Variants in PIAS1 observed in about 807,000 individuals in gnomAD.
PIAS1 encodes E3 SUMO-protein ligase PIAS1.
In PIAS1, 6 loss-of-function variants were observed where a neutral mutation model predicts 71.3. The observed-to-expected ratio is 0.08, with a 90% CI of 0.05 to 0.17. The LOEUF (loss-of-function observed/expected upper bound fraction) is 0.17, where lower values mean the gene tolerates loss of function less well. Among genes scored for constraint, PIAS1 ranks in the 10% least tolerant of loss-of-function variants. The pLI, the probability that PIAS1 is intolerant of heterozygous loss-of-function variation, is 1.00. For missense variants in PIAS1, 555 were observed against 793.6 expected, an observed-to-expected ratio of 0.70 and a Z score of 3.61; for synonymous variants, 303 against 292.9, an observed-to-expected ratio of 1.03 and a Z score of -0.35.
rs759866103 is a variant in PIAS1 at position 68,171,975 on chromosome 15, G to A, written c.1009-1757G>A. Among the ~76,000 whole-genome samples, 7 of 151,064 alleles carry A rather than the reference G, an allele frequency of 4.6e-5. No individual in the cohort carries two copies. Among genetic ancestry groups the A allele is most frequent in the Admixed American group, 2.0e-4 (3 of 15,162 alleles). On this transcript the variant is annotated intron_variant, in intron 8 of 13. Transcript: ENST00000249636. This position sits in a 1 kb window ranked among gnomAD's most constrained non-coding sequence, Gnocchi z 4.4. ...AAGTTCTATGGTACATGTGCACAAC[G>A]TGCAGGTATACATGTGCCATATTGG...
chr15:68,154,381 T>C (rs1228832170), intron 7 of PIAS1, among the ~76,000 whole-genome samples: 2 of 152,190 alleles, frequency 1.3e-5, no homozygotes, highest in Non-Finnish European at 2.9e-5. Flanking sequence ...TATTCTTTTA[T>C]TTGTGAGAGC....
intron 2 of PIAS1, among the ~76,000 whole-genome samples, chr15:68,128,102 C>T (rs2141027988): frequency 6.6e-6 from 1 of 152,168 alleles, no homozygotes; most frequent in East Asian, 1.9e-4. Flanking sequence ...GGCAGTTCAA[C>T]TTAGCAGTCT....
intron 12 of PIAS1, among the ~76,000 whole-genome samples, chr15:68,182,541 G>A (rs1233522098): frequency 1.5e-5 from 2 of 130,522 alleles, no homozygotes; most frequent in Non-Finnish European, 3.2e-5. Context: ...TATTGCTCAG[G>A]CTGGAGTGCA....
chr15:68,115,249 G>A (rs2092556119), intron 2 of PIAS1, among the ~76,000 whole-genome samples: 1 of 152,088 alleles, frequency 6.6e-6, no homozygotes, highest in Non-Finnish European at 1.5e-5. Context: ...TAAATACTAA[G>A]GAGTGTGATT....
At position 68,171,150 on chromosome 15, in the gene PIAS1, C is replaced by G. The variant is rs771152494; in HGVS notation, c.1009-2582C>G. ...AACTTTTTTGTTAAAAACAAAGACA[C>G]AAACACACATTAGCCTAGGCCTGCA... is the stretch of plus-strand genomic sequence containing the variant. On this transcript the variant is annotated intron_variant, in intron 8 of 13. Coordinates refer to ENST00000249636, the MANE Select transcript of PIAS1 (RefSeq NM_016166.3). This position sits in a 1 kb window ranked among gnomAD's most constrained non-coding sequence, Gnocchi z 4.4. Among the ~76,000 whole-genome samples, 1 of 151,460 alleles carries G rather than the reference C, an allele frequency of 6.6e-6. No individual in the cohort carries two copies. Among genetic ancestry groups the G allele is most frequent in the Non-Finnish European group, 1.5e-5 (1 of 67,820 alleles).
chr15:68,057,545 AAG>A (rs1170374515), intron 1 of PIAS1: 6 of 428,100 alleles, frequency 1.4e-5, no homozygotes, highest in Non-Finnish European at 2.8e-5. Context: ...ATTAAATGGG[AAG>A]AGAAACCATA....
intron 2 of PIAS1, among the ~76,000 whole-genome samples, chr15:68,097,570 C>G (rs1185795423): frequency 1.3e-5 from 2 of 152,008 alleles, no homozygotes; most frequent in African/African-American, 4.8e-5. Flanking sequence ...GTAGCTGGGA[C>G]TACAGGCACG....
intron 2 of PIAS1, among the ~76,000 whole-genome samples, chr15:68,102,025 A>G (rs2092431434): frequency 1.3e-5 from 2 of 152,216 alleles, no homozygotes; most frequent in African/African-American, 2.4e-5. Flanking sequence ...CGTGAGCCAC[A>G]GTGCCTAGCC....
intron 7 of PIAS1, among the ~76,000 whole-genome samples, chr15:68,160,065 G>T (rs1405621428): frequency 6.6e-6 from 1 of 152,100 alleles, no homozygotes; most frequent in Non-Finnish European, 1.5e-5. Flanking sequence ...GATGTCTAAG[G>T]ATGTTAAGCA....
At position 68,146,653 on chromosome 15, in the gene PIAS1, A is replaced by G; in HGVS notation, c.781A>G (p.Thr261Ala). The change falls in exon 6 of 14, where the codon ACA (threonine) becomes GCA (alanine). Residue 261 changes from threonine (T) to alanine (A), a missense_variant. Thr to Ala is a moderately conservative substitution (Grantham distance 58). Transcript: ENST00000249636. ...CACCTCACTTGTCCGACTGTCCACAACAGTACCAAACACGATTGTTGTTTC... is the reference window on the plus strand; with the variant it reads ...CACCTCACTTGTCCGACTGTCCACAGCAGTACCAAACACGATTGTTGTTTC... ...NITSLVRLSTTVPNTIVVSWT... is the reference protein window; with the variant it reads ...NITSLVRLSTAVPNTIVVSWT... 2 of 1,613,276 alleles carry G rather than the reference A, an allele frequency of 1.2e-6. No individual in the cohort carries two copies. Among genetic ancestry groups the G allele is most frequent in the Non-Finnish European group, 1.7e-6 (2 of 1,179,342 alleles).
In PIAS1 at chr15:68,054,420, G is replaced by A; in HGVS notation, c.24+70G>A. On this transcript the variant is annotated intron_variant, in intron 1 of 13. Coordinates refer to ENST00000249636, the MANE Select transcript of PIAS1 (RefSeq NM_016166.3). The surrounding 1 kb of genome is among the most constrained non-coding windows in gnomAD (Gnocchi z 4.6). ...CGGCGCCGCTGCTGCCAGGGGGGAT[G>A]GGTCCGACCCTGGGGGGCCTCTCGG... The A allele has an allele frequency of 1.3e-6, 2 of 1,497,594 alleles. No individual in the cohort carries two copies. Among genetic ancestry groups the A allele is most frequent in the Non-Finnish European group, 1.8e-6 (2 of 1,100,170 alleles). The allele number at this position is 1,497,594 out of a possible 1,614,324, so 92.8% of individuals were successfully genotyped here.
intron 2 of PIAS1, among the ~76,000 whole-genome samples, chr15:68,088,739 G>A (rs920377044): frequency 7.2e-5 from 11 of 152,128 alleles, no homozygotes. Flanking sequence ...TCTTCAGGGT[G>A]TAGGATGAGT....
intron 11 of PIAS1, among the ~76,000 whole-genome samples, chr15:68,180,824 C>T (rs2093049509): frequency 6.6e-6 from 1 of 152,148 alleles, no homozygotes; most frequent in Non-Finnish European, 1.5e-5. Context: ...TCTTAATAGC[C>T]AATACTCTGG....
At chr15:68,061,641 C>CT (rs1369854464) in intron 1 of PIAS1, among the ~76,000 whole-genome samples, 4 of 152,154 alleles carry the variant, frequency 2.6e-5, no homozygotes, top group Non-Finnish European at 5.9e-5. Context: ...AACTTAATCT[C>CT]TTTTTTACCT....
chr15:68,121,853 C>T (rs971895797), intron 2 of PIAS1, among the ~76,000 whole-genome samples: 4 of 152,146 alleles, frequency 2.6e-5, no homozygotes, highest in Non-Finnish European at 4.4e-5. Context: ...AGAGGCTGGG[C>T]ATGGTGGCTC....
intron 6 of PIAS1, among the ~76,000 whole-genome samples, chr15:68,149,784 T>C (rs1280445109): frequency 1.3e-5 from 2 of 152,186 alleles, no homozygotes; most frequent in East Asian, 3.8e-4. Context: ...TTTTGAGTTT[T>C]AGGTATGTCA....
intron 1 of PIAS1, among the ~76,000 whole-genome samples, chr15:68,057,959 G>A (rs2091914527): frequency 1.3e-5 from 2 of 152,146 alleles, no homozygotes; most frequent in Non-Finnish European, 1.5e-5. Context: ...TGTTGATTGC[G>A]GTAGTGCTTA....
At chr15:68,128,722 T>A (rs2092669682) in intron 2 of PIAS1, among the ~76,000 whole-genome samples, 1 of 152,146 alleles carries the variant, frequency 6.6e-6, no homozygotes, top group Non-Finnish European at 1.5e-5. Context: ...TGAGAATGAG[T>A]TTCTCTGAAG....
At chr15:68,065,540 G>A (rs1313051095) in intron 1 of PIAS1, among the ~76,000 whole-genome samples, 1 of 148,812 alleles carries the variant, frequency 6.7e-6, no homozygotes, top group African/African-American at 2.5e-5. Flanking sequence ...GCAGTGAACT[G>A]AGATCCACTG....
Sources: allele counts gnomAD v4.1 joint callset (sites outside exome capture counted in the v4.1 genomes callset), GRCh38; gene constraint gnomAD v4.1.1; non-coding constraint Gnocchi (gnomAD v3.1); transcripts MANE v1.5; gene names NCBI Gene and HGNC (gene_info 2026-07-23, HGNC 2026-07-21).